Variants in DYNAP observed in about 807,000 individuals in gnomAD.
DYNAP encodes the protein dynactin associated protein.
Under a neutral mutation model 8.5 loss-of-function variants are expected in DYNAP, and 7 were observed. The ratio of observed to expected loss-of-function variants is 0.82; its 90% CI spans 0.47 to 1.54. The LOEUF (loss-of-function observed/expected upper bound fraction) is 1.54. Among genes scored for constraint, DYNAP ranks in the 40% most tolerant of loss-of-function variants. The pLI is 0.01. For missense variants in DYNAP, 256 were observed against 224.3 expected, an observed-to-expected ratio of 1.14 and a Z score of -0.90; for synonymous variants, 77 against 77.9, an observed-to-expected ratio of 0.99 and a Z score of 0.06.
the DYNAP span, among the ~76,000 whole-genome samples, chr18:54,579,939 A>C: frequency 3.3e-5 from 5 of 152,252 alleles, no homozygotes; most frequent in Non-Finnish European, 7.3e-5. Context: ...TAAAAATTTT[A>C]CTTCCATCTG....
Position 54,595,043 on chromosome 18 carries a change from C to T in DYNAP, c.162C>T (p.Cys54=), listed in dbSNP as rs139420428. Residue 54 remains cysteine, a synonymous_variant, in exon 2 of 3, where the codon TGC becomes TGT. Transcript: ENST00000648945. ...TCTCTCCCAACTTAACTGGGGTCTGCGTGAACCCAGGAATCCTTGCACATT... is the reference window on the plus strand; with the variant it reads ...TCTCTCCCAACTTAACTGGGGTCTGTGTGAACCCAGGAATCCTTGCACATT... ...SDVSPNLTGV[C]VNPGILAHSR... 715 of 1,612,568 alleles carry T rather than the reference C, an allele frequency of 4.4e-4. 1 individual carries two copies. Among genetic ancestry groups the T allele is most frequent in the Non-Finnish European group, 5.0e-4 (591 of 1,179,104 alleles).
At chr18:54,580,969 C>G in the DYNAP span, among the ~76,000 whole-genome samples, 1 of 152,264 alleles carries the variant, frequency 6.6e-6, no homozygotes, top group East Asian at 1.9e-4. Flanking sequence ...TAAAACCTCA[C>G]AAGGAAATCT....
At chr18:54,588,045 A>G (rs1161480282), upstream of DYNAP, among the ~76,000 whole-genome samples, 1 of 152,180 alleles carries the variant, frequency 6.6e-6, no homozygotes, top group Non-Finnish European at 1.5e-5. Context: ...AAATAGTAAC[A>G]CTTCAAACAA....
At chr18:54,577,751 C>T in the DYNAP span, among the ~76,000 whole-genome samples, 3 of 151,640 alleles carry the variant, frequency 2.0e-5, no homozygotes, top group Non-Finnish European at 4.4e-5. Flanking sequence ...GGGCAGATCA[C>T]AAAGTCAGAA....
intron 1 of DYNAP, among the ~76,000 whole-genome samples, chr18:54,591,792 C>CA (rs1392737091): frequency 6.6e-6 from 1 of 151,962 alleles, no homozygotes; most frequent in Non-Finnish European, 1.5e-5. Context: ...AGAAAACTTC[C>CA]AAAAATACCT....
chr18:54,591,386 C>G, intron 1 of DYNAP, 47 bp downstream of exon 1: 1 of 1,550,596 alleles, frequency 6.4e-7, no homozygotes, highest in Non-Finnish European at 8.7e-7. Flanking sequence ...ATTACAGTTT[C>G]ATTTTCAGCA....
At chr18:54,582,427 G>T in the DYNAP span, among the ~76,000 whole-genome samples, 1 of 152,094 alleles carries the variant, frequency 6.6e-6, no homozygotes, top group African/African-American at 2.4e-5. Flanking sequence ...AAATATTCTG[G>T]AAACAAATTC....
the DYNAP span, among the ~76,000 whole-genome samples, chr18:54,580,544 C>T: frequency 6.6e-6 from 1 of 152,240 alleles, no homozygotes; most frequent in African/African-American, 2.4e-5. Context: ...ATCCTCCCTT[C>T]CAGTGAATCT....
chr18:54,593,963 C>T (rs1227963152), intron 1 of DYNAP, among the ~76,000 whole-genome samples: 1 of 151,868 alleles, frequency 6.6e-6, no homozygotes, highest in African/African-American at 2.4e-5. Flanking sequence ...AAACAAAAAA[C>T]TTTTCCACAA....
rs372133217 is a variant in DYNAP, at chr18:54,593,422, G to A, written c.58-1517G>A. The stretch of plus-strand genomic sequence containing the variant: ...GAATGATAGTTAACACATATTCAGT[G>A]GGTATTATGTGCCAGACATTGCTAC... On this transcript the variant is annotated intron_variant, in intron 1 of 2. Transcript: ENST00000648945. 9.2e-5 allele frequency among the ~76,000 whole-genome samples: 14 copies of A among 152,182 alleles called. No individual in the cohort carries two copies. In the East Asian group the frequency reaches 2.5e-3, roughly 27 times the overall value.
At chr18:54,579,465 T>A in the DYNAP span, among the ~76,000 whole-genome samples, 1 of 152,196 alleles carries the variant, frequency 6.6e-6, no homozygotes, top group Non-Finnish European at 1.5e-5. Flanking sequence ...AAAATCTGGT[T>A]TATATATAGA....
chr18:54,587,097 G>A (rs1910906581), upstream of DYNAP, among the ~76,000 whole-genome samples: 1 of 152,120 alleles, frequency 6.6e-6, no homozygotes, highest in Non-Finnish European at 1.5e-5. Context: ...TTTCCCATCA[G>A]AATGGTATAT....
chr18:54,577,220 A>G, the DYNAP span, among the ~76,000 whole-genome samples: 1 of 152,186 alleles, frequency 6.6e-6, no homozygotes, highest in Non-Finnish European at 1.5e-5. Flanking sequence ...TTAGGTTTAT[A>G]TATTACTGTG....
At chr18:54,582,053 G>A in the DYNAP span, among the ~76,000 whole-genome samples, 2 of 152,174 alleles carry the variant, frequency 1.3e-5, no homozygotes, top group East Asian at 3.8e-4. Flanking sequence ...TTGGTAAGCC[G>A]AGGCGGGAGG....
the DYNAP span, among the ~76,000 whole-genome samples, chr18:54,579,733 A>G: frequency 2.6e-5 from 4 of 152,178 alleles, no homozygotes; most frequent in Non-Finnish European, 5.9e-5. Context: ...AGTTTATGTG[A>G]TCCTCAAAGA....
the DYNAP span, among the ~76,000 whole-genome samples, chr18:54,581,738 T>C: frequency 1.3e-5 from 2 of 152,210 alleles, no homozygotes; most frequent in African/African-American, 2.4e-5. Context: ...GTCAGGTATA[T>C]AATCACATGG....
the DYNAP span, among the ~76,000 whole-genome samples, chr18:54,581,097 C>A: frequency 6.6e-6 from 1 of 152,116 alleles, no homozygotes; most frequent in African/African-American, 2.4e-5. Flanking sequence ...TATGACAATT[C>A]TCTATGTATT....
Position 54,591,269 on chromosome 18 carries a change from C to T in DYNAP, c.-14C>T. Reference sequence around the variant, plus strand: ...TATTCTTGGAGAGAAGCTTGTGATACTGGCAGCTCAAGAATGGACAGAAAG... The same window carrying T: ...TATTCTTGGAGAGAAGCTTGTGATATTGGCAGCTCAAGAATGGACAGAAAG... On this transcript the variant is annotated 5_prime_UTR_variant, in exon 1 of 3. Coordinates refer to ENST00000648945, the MANE Select transcript of DYNAP (RefSeq NM_173629.3). 6.2e-7 allele frequency: 1 copy of T among 1,612,756 alleles called. No homozygotes were observed. The highest frequency in any genetic ancestry group is 1.1e-5 in the South Asian group (1 of 90,964).
At chr18:54,585,629 T>G (rs1910849469), upstream of DYNAP, among the ~76,000 whole-genome samples, 1 of 152,216 alleles carries the variant, frequency 6.6e-6, no homozygotes, top group Non-Finnish European at 1.5e-5. Flanking sequence ...CTTCCTTTGC[T>G]TTCCTAATAT....
Sources: gnomAD v4.1 joint callset for allele counts (sites outside exome capture counted in the v4.1 genomes callset) on GRCh38, gnomAD v4.1.1 for gene constraint, MANE v1.5 for transcripts, NCBI Gene and HGNC (gene_info 2026-07-23, HGNC 2026-07-21) for gene names.